ANOS1: variants seen among roughly 807,000 people sequenced by gnomAD.
ANOS1 encodes the protein anosmin-1.
Under a neutral mutation model 59.0 loss-of-function variants are expected in ANOS1, and 6 were observed. That is an observed-to-expected ratio of 0.10 (90% CI 0.06 to 0.20). The LOEUF (loss-of-function observed/expected upper bound fraction) is 0.20, where lower values mean the gene tolerates loss of function less well. Among genes scored for constraint, ANOS1 ranks in the 10% least tolerant of loss-of-function variants. ANOS1 has a pLI of 1.00. For synonymous variants in ANOS1, 217 were observed against 223.4 expected, an observed-to-expected ratio of 0.97 and a Z score of 0.25; for missense variants, 433 against 542.3, an observed-to-expected ratio of 0.80 and a Z score of 2.00.
At chrX:8,543,655 G>A (rs910381107) in intron 9 of ANOS1, among the ~76,000 whole-genome samples, 12 of 109,851 alleles carry the variant, frequency 1.1e-4, no homozygotes, top group Non-Finnish European at 2.1e-4. Flanking sequence ...TCTGAGGTCA[G>A]GAGCTCAAGA....
chrX:8,534,280 A>G lies in ANOS1; in HGVS notation c.1984+39T>C, dbSNP rs369570337. 476 of 1,191,912 alleles carry G rather than the reference A, an allele frequency of 4.0e-4. 2 individuals are homozygous for G. In the African/African-American group the frequency reaches 6.0e-3, roughly 15 times the overall value. ...CAAGATTTTTCTCTATGTCCACAAG[A>G]CCTGACAGGATGGCTTAATGCCCTG... On this transcript the variant is annotated intron_variant, in intron 13 of 13. Transcript: ENST00000262648.
chrX:8,589,983 T>C (rs16998683), intron 4 of ANOS1, among the ~76,000 whole-genome samples: 10,122 of 111,912 alleles, frequency 0.09, 397 homozygotes, highest in Admixed American at 0.14. Flanking sequence ...TCAAATCATT[T>C]TGTCTCCATG....
At chrX:8,605,645 CA>C (rs368596236) in intron 3 of ANOS1, among the ~76,000 whole-genome samples, 1,405 of 47,806 alleles carry the variant, frequency 0.029, 14 homozygotes, top group East Asian at 0.062. Context: ...GACTCCATCT[CA>C]AAAAAAAAAA....
intron 2 of ANOS1, among the ~76,000 whole-genome samples, chrX:8,668,000 G>A (rs1932180445): frequency 1.8e-5 from 2 of 111,034 alleles, no homozygotes; most frequent in Admixed American, 9.6e-5. Flanking sequence ...GCTGACGAGT[G>A]TCAAGTGTCA....
At chrX:8,613,726 G>A (rs1439737266) in intron 3 of ANOS1, among the ~76,000 whole-genome samples, 1 of 106,884 alleles carries the variant, frequency 9.4e-6, no homozygotes, top group Non-Finnish European at 2.0e-5. Context: ...CTGCAGTCTC[G>A]ACCTCCTGGG....
chrX:8,707,776 G>A (rs1932788069), intron 1 of ANOS1, among the ~76,000 whole-genome samples: 1 of 112,111 alleles, frequency 8.9e-6, no homozygotes, highest in African/African-American at 3.2e-5. Context: ...GTCTGCCGGG[G>A]TGGGGAGGGG....
chrX:8,668,300 G>C (rs1278094994), intron 2 of ANOS1, among the ~76,000 whole-genome samples: 2 of 104,663 alleles, frequency 1.9e-5, no homozygotes, highest in East Asian at 5.9e-4. Context: ...TTCCATTCCT[G>C]AGTTACTTCA....
At chrX:8,637,580 G>A in intron 2 of ANOS1, among the ~76,000 whole-genome samples, 1 of 112,046 alleles carries the variant, frequency 8.9e-6, no homozygotes, top group Admixed American at 9.5e-5. Flanking sequence ...AGCCACATGG[G>A]GCTACTGAGC....
At chrX:8,590,428 C>T (rs189126578) in intron 4 of ANOS1, among the ~76,000 whole-genome samples, 8 of 111,162 alleles carry the variant, frequency 7.2e-5, no homozygotes, top group African/African-American at 1.3e-4. Flanking sequence ...TTTCCAGGCT[C>T]GGACCAAATG....
At chrX:8,677,224 G>T (rs1404148266) in intron 2 of ANOS1, among the ~76,000 whole-genome samples, 1 of 111,242 alleles carries the variant, frequency 9.0e-6, no homozygotes, top group Non-Finnish European at 1.9e-5. Flanking sequence ...AGCGTGTTGA[G>T]CTGCATCCCT....
At chrX:8,720,477 A>G (rs1047988455) in intron 1 of ANOS1, among the ~76,000 whole-genome samples, 1 of 112,562 alleles carries the variant, frequency 8.9e-6, no homozygotes, top group African/African-American at 3.2e-5. Context: ...AAAAATATCA[A>G]TATCCATGAT....
chrX:8,682,364 A>G (rs1462215984), intron 2 of ANOS1, among the ~76,000 whole-genome samples: 1 of 110,288 alleles, frequency 9.1e-6, no homozygotes, highest in Non-Finnish European at 1.9e-5. Context: ...CCACACACAC[A>G]CACACACACA....
intron 6 of ANOS1, among the ~76,000 whole-genome samples, chrX:8,578,438 C>T (rs147334041): frequency 2.2e-3 from 241 of 111,261 alleles, no homozygotes; most frequent in African/African-American, 7.3e-3. Flanking sequence ...TGGCACATCC[C>T]GAGCAGCTGT....
chrX:8,618,989 C>T (rs111628525), intron 3 of ANOS1, among the ~76,000 whole-genome samples: 2,957 of 99,867 alleles, frequency 0.03, 43 homozygotes, highest in Non-Finnish European at 0.046. Flanking sequence ...AGGAGAATCG[C>T]TCAAACCCGG....
chrX:8,656,870 C>G (rs940792127), intron 2 of ANOS1, among the ~76,000 whole-genome samples: 2 of 111,953 alleles, frequency 1.8e-5, no homozygotes, highest in Non-Finnish European at 3.8e-5. Flanking sequence ...AGTAAGAAAT[C>G]TGATCTCACT....
At position 8,554,547 on chromosome X, in the gene ANOS1, T is replaced by G. The variant is rs374575209; in HGVS notation, c.1208-449A>C. On this transcript the variant is annotated intron_variant, in intron 8 of 13. Transcript: ENST00000262648. ...ACACAGAGCTGGCTACAGGAGTTTTTTTTTTTTTTTTTTTTTTTTTTTTGT... is the reference window on the plus strand; with the variant it reads ...ACACAGAGCTGGCTACAGGAGTTTTGTTTTTTTTTTTTTTTTTTTTTTTGT... Among the ~76,000 whole-genome samples the G allele has an allele frequency of 7.3e-3, 628 of 85,971 alleles. 14 individuals carry two copies. The highest frequency in any genetic ancestry group is 0.031 in the African/African-American group (576 of 18,529). 74.7% of individuals were successfully genotyped at this position (85,971 alleles called of 115,157 possible).
intron 8 of ANOS1, among the ~76,000 whole-genome samples, chrX:8,561,309 ATTTTT>A (rs994787744): frequency 1.2e-4 from 13 of 109,901 alleles, no homozygotes; most frequent in African/African-American, 4.3e-4. Flanking sequence ...TTTTATTTTA[ATTTTT>A]TTTGAGACGG....
At chrX:8,617,676 G>A (rs1276898741) in intron 3 of ANOS1, among the ~76,000 whole-genome samples, 1 of 110,868 alleles carries the variant, frequency 9.0e-6, no homozygotes, top group Non-Finnish European at 1.9e-5. Context: ...AGCTACTTGG[G>A]AGGCTGAGTC....
chrX:8,678,004 G>A (rs149018856), intron 2 of ANOS1, among the ~76,000 whole-genome samples: 2 of 111,398 alleles, frequency 1.8e-5, no homozygotes, highest in Non-Finnish European at 3.8e-5. Context: ...GTTCCTGCTG[G>A]GCTCGCCATG....
Sources: gnomAD v4.1 joint callset for allele counts (sites outside exome capture counted in the v4.1 genomes callset) on GRCh38, gnomAD v4.1.1 for gene constraint, MANE v1.5 for transcripts, NCBI Gene and HGNC (gene_info 2026-07-23, HGNC 2026-07-21) for gene names.